Variants in PCDH15 observed in about 807,000 individuals in gnomAD.
The protein encoded by PCDH15 is protocadherin-15.
A neutral mutation model predicts 178.5 loss-of-function variants in PCDH15; 129 were observed. That is an observed-to-expected ratio of 0.72 (90% CI 0.63 to 0.84). The LOEUF (loss-of-function observed/expected upper bound fraction) is 0.84. Among genes scored for constraint, PCDH15 ranks in the 40% least tolerant of loss-of-function variants. The pLI, the probability that PCDH15 is intolerant of heterozygous loss-of-function variation, is 0.00. For missense variants in PCDH15, 2,230 were observed against 2,099.9 expected, an observed-to-expected ratio of 1.06 and a Z score of -1.21; for synonymous variants, 800 against 732.0, an observed-to-expected ratio of 1.09 and a Z score of -1.50.
In PCDH15 at chr10:54,313,303, G is replaced by A. The variant is rs117951719; in HGVS notation, c.876+3968C>T. On this transcript the variant is annotated intron_variant, in intron 8 of 37. Transcript: ENST00000644397. ...CATTATTCTCCTTATGTTAGGATAT[G>A]CAATATTTAATATTGGACTGGGTTT... Among the ~76,000 whole-genome samples, 1,027 of 152,026 alleles carry A rather than the reference G, an allele frequency of 6.8e-3. 6 individuals are homozygous for A. The highest frequency in any genetic ancestry group is 0.01 in the Non-Finnish European group (686 of 67,966).
At chr10:55,186,139 A>G (rs2132140035) in intron 1 of PCDH15, among the ~76,000 whole-genome samples, 1 of 151,704 alleles carries the variant, frequency 6.6e-6, no homozygotes, top group East Asian at 1.9e-4. Flanking sequence ...ATTAAAATTT[A>G]TAAGACTATA....
At chr10:54,811,590 C>CCT (rs1952864101) in intron 3 of PCDH15, among the ~76,000 whole-genome samples, 1 of 152,144 alleles carries the variant, frequency 6.6e-6, no homozygotes, top group Non-Finnish European at 1.5e-5. Context: ...CCTGCCTCAG[C>CCT]CTCCTGAGTC....
At chr10:54,565,890 G>GC (rs140017810) in intron 2 of PCDH15, among the ~76,000 whole-genome samples, 17,480 of 151,960 alleles carry the variant, frequency 0.12, 1,343 homozygotes, top group Non-Finnish European at 0.17. Flanking sequence ...TTTGAGACCA[G>GC]CCTGACCAAC....
At chr10:55,088,678 T>C (rs1399249083) in intron 2 of PCDH15, among the ~76,000 whole-genome samples, 2 of 152,176 alleles carry the variant, frequency 1.3e-5, no homozygotes, top group Non-Finnish European at 1.5e-5. Context: ...TGTGTGTATA[T>C]GTGCACATAT....
At chr10:54,547,542 C>T (rs1342279077) in intron 2 of PCDH15, among the ~76,000 whole-genome samples, 1 of 152,118 alleles carries the variant, frequency 6.6e-6, no homozygotes, top group Non-Finnish European at 1.5e-5. Flanking sequence ...ATTTACACAG[C>T]ACAAATTCTG....
At chr10:53,935,152 G>C (rs908238599) in intron 25 of PCDH15, among the ~76,000 whole-genome samples, 1 of 151,668 alleles carries the variant, frequency 6.6e-6, no homozygotes, top group Admixed American at 6.6e-5. Flanking sequence ...CAAAGAATAA[G>C]AAAATGGAAT....
In PCDH15 at chr10:54,581,336, T is replaced by C. The variant is rs2091015552; in HGVS notation, c.92-53459A>G. Among the ~76,000 whole-genome samples the C allele has an allele frequency of 2.6e-5, 4 of 152,050 alleles. No individual in the cohort carries two copies. In the South Asian group the frequency reaches 8.3e-4, roughly 31 times the overall value. ...ATCAAGAACACAATCACATTTACAA[T>C]ACCCACAATAAAAATTAAATGTCTA... On this transcript the variant is annotated intron_variant, in intron 2 of 37. Transcript: ENST00000644397.
chr10:54,475,359 ATTGT>A (rs1256695702), intron 3 of PCDH15, among the ~76,000 whole-genome samples: 3 of 151,992 alleles, frequency 2.0e-5, no homozygotes, highest in African/African-American at 7.2e-5. Flanking sequence ...TAACTAAATC[ATTGT>A]TTGAGTTGTA....
chr10:54,882,296 G>A (rs1173985338), intron 3 of PCDH15, among the ~76,000 whole-genome samples: 1 of 151,934 alleles, frequency 6.6e-6, no homozygotes, highest in East Asian at 1.9e-4. Flanking sequence ...GCCTGTTAGA[G>A]TTTCCCATTG....
chr10:54,495,718 C>G (rs1470444514), intron 3 of PCDH15, among the ~76,000 whole-genome samples: 1 of 152,050 alleles, frequency 6.6e-6, no homozygotes, highest in Non-Finnish European at 1.5e-5. Flanking sequence ...TTATCTTCCC[C>G]CATCCATGCA....
intron 2 of PCDH15, among the ~76,000 whole-genome samples, chr10:54,903,907 A>T (rs1954679493): frequency 6.6e-6 from 1 of 152,062 alleles, no homozygotes; most frequent in Non-Finnish European, 1.5e-5. Context: ...ACAGGCTGCC[A>T]AGTCAAGATG....
At chr10:55,005,129 T>C (rs1221471424) in intron 2 of PCDH15, among the ~76,000 whole-genome samples, 2 of 151,284 alleles carry the variant, frequency 1.3e-5, no homozygotes, top group South Asian at 4.2e-4. Context: ...CCCAGCTACG[T>C]GAAAAGCTGA....
chr10:54,764,105 A>C (rs1211572463), intron 1 of PCDH15, among the ~76,000 whole-genome samples: 2 of 152,062 alleles, frequency 1.3e-5, no homozygotes, highest in African/African-American at 4.8e-5. Context: ...AGAAAAATAA[A>C]TATATATTTT....
chr10:54,807,907 C>G (rs1952804191), intron 3 of PCDH15, among the ~76,000 whole-genome samples: 2 of 151,238 alleles, frequency 1.3e-5, no homozygotes, highest in Non-Finnish European at 2.9e-5. Context: ...CATTGACAGC[C>G]TGTGGAAAAA....
intron 1 of PCDH15, among the ~76,000 whole-genome samples, chr10:55,289,386 G>A (rs893656831): frequency 3.4e-5 from 5 of 149,144 alleles, no homozygotes; most frequent in Non-Finnish European, 7.4e-5. Context: ...AAAGAAAGAA[G>A]GAGACAGAAA....
At chr10:54,802,342 G>A (rs532170744), upstream of PCDH15, among the ~76,000 whole-genome samples, 59 of 152,260 alleles carry the variant, frequency 3.9e-4, no homozygotes, top group African/African-American at 1.4e-3. Flanking sequence ...AAATCTTTAA[G>A]AATATGGAAA....
At position 55,158,107 on chromosome 10, in the gene PCDH15, T is replaced by A. The variant is rs11004764; in HGVS notation, c.-80+8469A>T. Among the ~76,000 whole-genome samples the A allele has an allele frequency of 5.4e-5, 8 of 148,640 alleles. No individual in the cohort carries two copies. The South Asian group carries it at 6.5e-4, about 12-fold the overall frequency. ...ATATATATATATATATACACATATC[T>A]TTTATAATTATTAAGTTGCCACTCT... On this transcript the variant is annotated intron_variant, in intron 2 of 5. Coordinates refer to the PCDH15 transcript ENST00000458638.
intron 1 of PCDH15, among the ~76,000 whole-genome samples, chr10:54,756,051 C>T (rs1002358442): frequency 4.8e-5 from 3 of 62,902 alleles, no homozygotes; most frequent in Non-Finnish European, 9.3e-5. Flanking sequence ...CCCGTCTCTA[C>T]TAAAAACACA....
At chr10:55,250,876 G>T (rs1841820222) in intron 1 of PCDH15, among the ~76,000 whole-genome samples, 1 of 151,736 alleles carries the variant, frequency 6.6e-6, no homozygotes, top group Admixed American at 6.6e-5. Context: ...TGTTCTTTTT[G>T]CTTTCTATAC....
Sources: allele counts gnomAD v4.1 joint callset (sites outside exome capture counted in the v4.1 genomes callset), GRCh38; gene constraint gnomAD v4.1.1; transcripts MANE v1.5; gene names NCBI Gene and HGNC (gene_info 2026-07-23, HGNC 2026-07-21).